Variants in IQGAP1 observed in about 807,000 individuals in gnomAD.
The protein encoded by IQGAP1 is IQ motif containing GTPase activating protein 1.
A neutral mutation model predicts 215.6 loss-of-function variants in IQGAP1; 66 were observed. The observed-to-expected ratio is 0.31, with a 90% CI of 0.25 to 0.38. The LOEUF (loss-of-function observed/expected upper bound fraction) is 0.38, where lower values mean the gene tolerates loss of function less well. IQGAP1 is among the 10% of genes least tolerant of loss of function. The probability of loss-of-function intolerance (pLI) is 1.00; values close to 1 mark genes in which losing one functional copy is unlikely to be tolerated. For missense variants in IQGAP1, 1,712 were observed against 1,997.1 expected (o/e 0.86, Z 2.72); for synonymous variants, 772 against 728.7 (o/e 1.06, Z -0.96).
intron 2 of IQGAP1, among the ~76,000 whole-genome samples, chr15:90,407,672 T>C (rs1468822733): frequency 6.6e-6 from 1 of 152,234 alleles, no homozygotes; most frequent in East Asian, 1.9e-4. Context: ...TCCTGTGTTA[T>C]TAAAAACTAT....
At chr15:90,472,816 T>C (rs112911818) in intron 18 of IQGAP1, 24 bp from the exon 19 acceptor site, 25 of 1,588,682 alleles carry the variant, frequency 1.6e-5, no homozygotes, top group Non-Finnish European at 2.0e-5. Flanking sequence ...TGAATGTCTT[T>C]GAATGTGACC....
At position 90,491,561 on chromosome 15, in the gene IQGAP1, GA is replaced by G; in HGVS notation, c.4461+17del. ...CATTGCCAGGGTACTGCATTCGGGG[GA>G]CAGAGGGGACCCGGCCTTGTTCAAA... On this transcript the variant is annotated intron_variant, in intron 34 of 37. Transcript: ENST00000268182. 1 of 1,604,146 alleles carries G rather than the reference GA, an allele frequency of 6.2e-7. No individual in the cohort carries two copies. The highest frequency in any genetic ancestry group is 8.5e-7 in the Non-Finnish European group (1 of 1,171,224).
At chr15:90,480,743 A>T (rs537731377) in intron 26 of IQGAP1, among the ~76,000 whole-genome samples, 79 of 152,294 alleles carry the variant, frequency 5.2e-4, no homozygotes, top group African/African-American at 1.8e-3. Flanking sequence ...ATCTCAGCTC[A>T]CTGCAACCTC....
At chr15:90,415,470 AG>A (rs1316737772) in intron 2 of IQGAP1, among the ~76,000 whole-genome samples, 1 of 152,092 alleles carries the variant, frequency 6.6e-6, no homozygotes, top group African/African-American at 2.4e-5. Flanking sequence ...CTGCTTCTGT[AG>A]TAGTGTTTGT....
At chr15:90,405,552 G>A (rs1964865560) in intron 2 of IQGAP1, among the ~76,000 whole-genome samples, 1 of 152,082 alleles carries the variant, frequency 6.6e-6, no homozygotes. Context: ...GAGGTATATT[G>A]TGCTGTGACA....
chr15:90,434,159 G>A (rs1025023260), intron 5 of IQGAP1, among the ~76,000 whole-genome samples: 9 of 152,060 alleles, frequency 5.9e-5, no homozygotes, highest in African/African-American at 1.4e-4. Context: ...TTTATAAGCC[G>A]GATGCGGTGG....
chr15:90,466,150 T>C (rs1449058833), intron 16 of IQGAP1, 59 bp downstream of exon 16: 2 of 1,580,200 alleles, frequency 1.3e-6, no homozygotes, highest in East Asian at 2.2e-5. Context: ...AGGTGCTCCG[T>C]ACAGCTTGAC....
intron 31 of IQGAP1, chr15:90,486,401 T>C (rs1966127589): frequency 3.7e-6 from 1 of 273,656 alleles, no homozygotes; most frequent in Non-Finnish European, 6.9e-6. Flanking sequence ...TTTAAAAAAA[T>C]TGCAGATACA....
intron 1 of IQGAP1, 135 bp downstream of exon 1, chr15:90,388,531 G>C: frequency 1.3e-6 from 1 of 758,418 alleles, no homozygotes; most frequent in Non-Finnish European, 1.9e-6. Context: ...AGCCGTCCCG[G>C]TGGGGCGGCG....
intron 36 of IQGAP1, among the ~76,000 whole-genome samples, chr15:90,495,622 AT>A (rs1387604566): frequency 1.4e-5 from 2 of 146,978 alleles, no homozygotes; most frequent in Admixed American, 6.8e-5. Flanking sequence ...ATATATATAT[AT>A]TTTTTTCTTC....
rs1965222918 is a variant in IQGAP1 at position 90,426,377 on chromosome 15, C to A, written c.312+111C>A. The A allele has an allele frequency of 1.0e-5, 12 of 1,164,910 alleles. No individual in the cohort carries two copies. The South Asian group carries it at 1.8e-4, about 18-fold the overall frequency. The allele number at this position is 1,164,910 out of a possible 1,614,324, so 72.2% of individuals were successfully genotyped here. On this transcript the variant is annotated intron_variant, in intron 3 of 37. Coordinates refer to ENST00000268182, the MANE Select transcript of IQGAP1 (RefSeq NM_003870.4). ...TCTGTGTAAGGTGTGTTTGTTGCAA[C>A]AAATTATAGCCTTTAAAATGCCTGG...
At chr15:90,452,388 T>C (rs1965615424) in intron 11 of IQGAP1, among the ~76,000 whole-genome samples, 1 of 152,202 alleles carries the variant, frequency 6.6e-6, no homozygotes, top group Non-Finnish European at 1.5e-5. Context: ...TGTTTTGGGC[T>C]GAGTTGTGTA....
intron 28 of IQGAP1, 176 bp from the exon 29 acceptor site, chr15:90,483,185 G>T: frequency 1.7e-6 from 1 of 577,190 alleles, no homozygotes. Context: ...ATTTCATTTA[G>T]TTCCAGGCCA....
intron 2 of IQGAP1, among the ~76,000 whole-genome samples, chr15:90,421,716 A>T (rs541617454): frequency 7.9e-5 from 12 of 152,330 alleles, no homozygotes; most frequent in Admixed American, 3.3e-4. Flanking sequence ...TTTAAGACAG[A>T]GACTTGCTCT....
intron 9 of IQGAP1, among the ~76,000 whole-genome samples, chr15:90,444,243 C>CTGTGTG (rs34494521): frequency 0.045 from 5,758 of 126,820 alleles, 158 homozygotes; most frequent in Middle Eastern, 0.068. Context: ...TCCTTCAAAA[C>CTGTGTG]TGTGTGTGTG....
In IQGAP1 at chr15:90,494,656, A is replaced by G. The variant is rs1412218308; in HGVS notation, c.4629-57A>G. On this transcript the variant is annotated intron_variant, in intron 35 of 37. Transcript: ENST00000268182. ...GACATGTTTCCTTCAGTTACCAATG[A>G]TGAAGATTCAGAGTAGATGGTTACT... 3 of 1,474,746 alleles carry G rather than the reference A, an allele frequency of 2.0e-6. No individual in the cohort carries two copies. The African/African-American group carries it at 4.3e-5, about 21-fold the overall frequency. 91.4% of individuals were successfully genotyped at this position (1,474,746 alleles called of 1,614,324 possible). A position where few individuals can be genotyped will look rare whatever the true frequency, so the allele number is the denominator to read the frequency against.
chr15:90,480,700 G>A (rs1214699163), intron 26 of IQGAP1, among the ~76,000 whole-genome samples: 1 of 152,100 alleles, frequency 6.6e-6, no homozygotes, highest in African/African-American at 2.4e-5. Context: ...ACAGAGTCTC[G>A]TTCTGTTGGT....
rs761976560 is a variant in IQGAP1 at position 90,491,445 on chromosome 15, A to C, written c.4361A>C (p.Glu1454Ala). 1.2e-6 allele frequency: 2 copies of C among 1,614,116 alleles called. No homozygotes were observed. The highest frequency in any genetic ancestry group is 2.2e-5 in the South Asian group (2 of 91,084). Reference protein sequence around the residue: ...VKEDSNLTLQEKKEKIQTGLK... With the variant: ...VKEDSNLTLQAKKEKIQTGLK... ...GAAGACAGCAACCTCACTCTTCAAG[A>C]GAAGAAAGAGAAGATCCAGACAGGT... is the stretch of plus-strand genomic sequence containing the variant. Residue 1454 changes from glutamate (E) to alanine (A), a missense_variant, in exon 34 of 38, where the codon GAG becomes GCG. Physicochemically the swap from Glu to Ala is moderately radical, Grantham distance 107. Coordinates refer to ENST00000268182, the MANE Select transcript of IQGAP1 (RefSeq NM_003870.4).
At chr15:90,449,523 G>T in intron 10 of IQGAP1, 36 bp from the exon 11 acceptor site, 1 of 1,543,394 alleles carries the variant, frequency 6.5e-7, no homozygotes, top group South Asian at 1.2e-5. Flanking sequence ...TCATAGGAAT[G>T]AGTAATCTTT....
Sources: gnomAD v4.1 joint callset for allele counts (sites outside exome capture counted in the v4.1 genomes callset) on GRCh38, gnomAD v4.1.1 for gene constraint, MANE v1.5 for transcripts, NCBI Gene and HGNC (gene_info 2026-07-23, HGNC 2026-07-21) for gene names.